The following KIF1A variants were observed in gnomAD, a reference collection of about 807,000 sequenced individuals.
The protein encoded by KIF1A is kinesin-like protein KIF1A.
In KIF1A, 46 loss-of-function variants were observed where a neutral mutation model predicts 227.3. The ratio of observed to expected loss-of-function variants is 0.20; its 90% CI spans 0.16 to 0.26. The LOEUF (loss-of-function observed/expected upper bound fraction) is 0.26. KIF1A is among the 10% of genes least tolerant of loss of function. The pLI, the probability that KIF1A is intolerant of heterozygous loss-of-function variation, is 1.00. For synonymous variants in KIF1A, 1,022 were observed against 1,012.8 expected, an observed-to-expected ratio of 1.01 and a Z score of -0.17; for missense variants, 1,683 against 2,485.9, an observed-to-expected ratio of 0.68 and a Z score of 6.87.
intron 28 of KIF1A, 78 bp from the exon 29 acceptor site, chr2:240,747,399 C>G: frequency 8.7e-7 from 1 of 1,142,882 alleles, no homozygotes; most frequent in Non-Finnish European, 1.3e-6. Context: ...GGCTGGGCCA[C>G]CCCGCAGTCA....
chr2:240,719,644 G>C, intron 46 of KIF1A, 130 bp downstream of exon 46: 2 of 1,097,508 alleles, frequency 1.8e-6, no homozygotes, highest in Non-Finnish European at 2.5e-6. Context: ...TCCAGTATGG[G>C]CATCAGGCAA....
At chr2:240,723,166 G>A (rs1406509600) in intron 42 of KIF1A, among the ~76,000 whole-genome samples, 1 of 152,224 alleles carries the variant, frequency 6.6e-6, no homozygotes, top group Admixed American at 6.5e-5. Context: ...CTATATGCCC[G>A]ATAGTCTTCC....
chr2:240,721,117 C>A (rs964297405), intron 44 of KIF1A, 79 bp from the exon 45 acceptor site: 18 of 1,554,296 alleles, frequency 1.2e-5, no homozygotes, highest in Non-Finnish European at 1.6e-5. Flanking sequence ...CCTGTGCCTG[C>A]GCTTACCCCA....
In KIF1A at chr2:240,717,220, C is replaced by G; in HGVS notation, c.*144G>C. ...CAGCTGGTCGTGTGGCACAGGTCCC[C>G]GGGCCTGGCATGGGCGTCCCCTGGG... is the stretch of plus-strand genomic sequence containing the variant. On this transcript the variant is annotated 3_prime_UTR_variant, in exon 49 of 49. Transcript: ENST00000498729. The G allele has an allele frequency of 1.4e-6, 1 of 692,492 alleles. No individual in the cohort carries two copies. Among genetic ancestry groups the G allele is most frequent in the Non-Finnish European group, 2.5e-6 (1 of 405,254 alleles). The allele number at this position is 692,492 out of a possible 1,614,324, so 42.9% of individuals were successfully genotyped here. A position where few individuals can be genotyped will look rare whatever the true frequency, so the allele number is the denominator to read the frequency against.
At position 240,761,435 on chromosome 2, in the gene KIF1A, C is replaced by A. The variant is rs535751350; in HGVS notation, c.2117-58G>T. The A allele has an allele frequency of 4.4e-5, 65 of 1,473,228 alleles. No individual in the cohort carries two copies. The South Asian group carries it at 6.7e-4, about 15-fold the overall frequency. The allele number at this position is 1,473,228 out of a possible 1,614,324, so 91.3% of individuals were successfully genotyped here. On this transcript the variant is annotated intron_variant, in intron 23 of 48. Transcript: ENST00000498729. ...GAAGGCCATGACCCTGCCCACCATG[C>A]CCCGCCCTCTGGAAGGTCAGGCTGG... is the stretch of plus-strand genomic sequence containing the variant.
At chr2:240,751,395 G>A (rs989791376) in intron 27 of KIF1A, among the ~76,000 whole-genome samples, 4 of 152,186 alleles carry the variant, frequency 2.6e-5, no homozygotes, top group South Asian at 2.1e-4. Flanking sequence ...TGGGGCCCTC[G>A]ATTCCAGAGC....
In KIF1A at chr2:240,737,305, G is replaced by C. The variant is rs1408188237; in HGVS notation, c.3902-137C>G. 5.8e-6 allele frequency: 4 copies of C among 690,278 alleles called. No homozygotes were observed. In the South Asian group the frequency reaches 6.3e-5, roughly 11 times the overall value. 42.8% of individuals were successfully genotyped at this position (690,278 alleles called of 1,614,324 possible). On this transcript the variant is annotated intron_variant, in intron 37 of 48. Transcript: ENST00000498729. ...GAGCGTCTGTCAAAGGCGGTGCCAG[G>C]GGGAACAGGGAGGCCCTACAGGGTC...
intron 1 of KIF1A, among the ~76,000 whole-genome samples, chr2:240,813,543 A>G (rs894670776): frequency 3.3e-5 from 5 of 152,198 alleles, no homozygotes; most frequent in African/African-American, 1.2e-4. Flanking sequence ...GGCTTTCTCC[A>G]TAGCAGGAGT....
rs1338933218 is a variant in KIF1A at position 240,736,409 on chromosome 2, C to G, written c.4007+654G>C. ...GAGCCCGCGGGACGTCCCCACCCAC[C>G]AGGGCTGCCCCTGGCAGTGCTGAGC... On this transcript the variant is annotated intron_variant, in intron 38 of 48. Transcript: ENST00000498729. The surrounding 1 kb of genome is among the most constrained non-coding windows in gnomAD (Gnocchi z 4.7). 6.6e-6 allele frequency among the ~76,000 whole-genome samples: 1 copy of G among 152,152 alleles called. No individual in the cohort carries two copies. The highest frequency in any genetic ancestry group is 2.4e-5 in the African/African-American group (1 of 41,452).
At position 240,778,899 on chromosome 2, in the gene KIF1A, A is replaced by G. The variant is rs2053139404; in HGVS notation, c.883-2973T>C. On this transcript the variant is annotated intron_variant, in intron 10 of 48. Coordinates refer to ENST00000498729, the MANE Select transcript of KIF1A (RefSeq NM_001244008.2). The surrounding 1 kb of genome is among the most constrained non-coding windows in gnomAD (Gnocchi z 7.2). ...CCATCCCCAATGCGGGTGCACACAC[A>G]CTTTCCACACACTTCCTCAGGCCAT... Among the ~76,000 whole-genome samples, 1 of 151,270 alleles carries G rather than the reference A, an allele frequency of 6.6e-6. No individual in the cohort carries two copies. Among genetic ancestry groups the G allele is most frequent in the Non-Finnish European group, 1.5e-5 (1 of 67,854 alleles).
chr2:240,790,042 A>T lies in KIF1A; in HGVS notation c.107-730T>A, dbSNP rs1466500988. Among the ~76,000 whole-genome samples the T allele has an allele frequency of 6.6e-6, 1 of 151,942 alleles. No homozygotes were observed. Among genetic ancestry groups the T allele is most frequent in the Non-Finnish European group, 1.5e-5 (1 of 67,964 alleles). On this transcript the variant is annotated intron_variant, in intron 2 of 48. Coordinates refer to ENST00000498729, the MANE Select transcript of KIF1A (RefSeq NM_001244008.2). This position sits in a 1 kb window ranked among gnomAD's most constrained non-coding sequence, Gnocchi z 5.0. ...TATGAGTGTCCCAGGAGCTCCTCCC[A>T]CCCACACAGCCTGCAAGTATCTCAG... is the stretch of plus-strand genomic sequence containing the variant.
chr2:240,815,844 C>G (rs1230568972), intron 1 of KIF1A, among the ~76,000 whole-genome samples: 1 of 152,192 alleles, frequency 6.6e-6, no homozygotes. Context: ...ATGGGAACAC[C>G]ACCACCTGGC....
chr2:240,735,091 TG>T (rs1016713337), intron 38 of KIF1A, among the ~76,000 whole-genome samples: 2 of 152,104 alleles, frequency 1.3e-5, no homozygotes, highest in African/African-American at 2.4e-5. Flanking sequence ...GGTGCCTGCC[TG>T]GGGGTGCCAG....
chr2:240,795,546 G>A (rs1225832276), intron 2 of KIF1A, among the ~76,000 whole-genome samples: 4 of 152,224 alleles, frequency 2.6e-5, no homozygotes, highest in East Asian at 1.9e-4. Flanking sequence ...CTGGGCCGGC[G>A]CAGCCTCAGC....
At chr2:240,763,131 G>A in intron 21 of KIF1A, 35 bp downstream of exon 21, 1 of 1,603,084 alleles carries the variant, frequency 6.2e-7, no homozygotes, top group Non-Finnish European at 8.5e-7. Flanking sequence ...AGGGCAGGAG[G>A]GGCAGCAGGC....
In KIF1A at chr2:240,788,426, C is replaced by T. The variant is rs1047679899; in HGVS notation, c.184-196G>A. ...GGAGAAGCCCTCTGTGTCACAGATGCGGGATGAAGAGCGGCCAGCCAGGCA... is the reference window on the plus strand; with the variant it reads ...GGAGAAGCCCTCTGTGTCACAGATGTGGGATGAAGAGCGGCCAGCCAGGCA... On this transcript the variant is annotated intron_variant, in intron 3 of 48. Transcript: ENST00000498729. The surrounding 1 kb of genome is among the most constrained non-coding windows in gnomAD (Gnocchi z 6.6). 1.3e-5 allele frequency among the ~76,000 whole-genome samples: 2 copies of T among 152,104 alleles called. No individual in the cohort carries two copies. Among genetic ancestry groups the T allele is most frequent in the African/African-American group, 4.8e-5 (2 of 41,400 alleles).
chr2:240,741,442 C>G, intron 34 of KIF1A, 65 bp from the exon 35 acceptor site: 1 of 1,268,492 alleles, frequency 7.9e-7, no homozygotes, highest in South Asian at 1.6e-5. Flanking sequence ...CAAGGGCACA[C>G]TCAAGGAGGA....
At chr2:240,764,207 T>C (rs2125911551) in intron 20 of KIF1A, among the ~76,000 whole-genome samples, 1 of 152,286 alleles carries the variant, frequency 6.6e-6, no homozygotes, top group South Asian at 2.1e-4. Flanking sequence ...TGCTGGCTGC[T>C]CTCAGCTGGC....
chr2:240,722,875 C>T (rs1328171871), intron 42 of KIF1A, among the ~76,000 whole-genome samples: 2 of 152,220 alleles, frequency 1.3e-5, no homozygotes, highest in Non-Finnish European at 2.9e-5. Context: ...GCCCTGCCAC[C>T]TTCATGGGCA....
Sources: allele counts gnomAD v4.1 joint callset (sites outside exome capture counted in the v4.1 genomes callset), GRCh38; gene constraint gnomAD v4.1.1; non-coding constraint Gnocchi (gnomAD v3.1); transcripts MANE v1.5; gene names NCBI Gene and HGNC (gene_info 2026-07-23, HGNC 2026-07-21).